Variants in ARAP2 observed in about 807,000 individuals in gnomAD.
The protein encoded by ARAP2 is arf-GAP with Rho-GAP domain, ANK repeat and PH domain-containing protein 2.
A neutral mutation model predicts 194.5 loss-of-function variants in ARAP2; 148 were observed. The observed-to-expected ratio is 0.76, with a 90% CI of 0.67 to 0.87. ARAP2 has a LOEUF of 0.87. Ranked by LOEUF, ARAP2 falls within the 40% of genes least tolerant of loss-of-function variation. ARAP2 has a pLI of 0.00. For missense variants in ARAP2, 2,128 were observed against 1,989.7 expected (o/e 1.07, Z -1.32); for synonymous variants, 695 against 683.5 (o/e 1.02, Z -0.26).
chr4:36,154,652 T>C (rs191549195), intron 15 of ARAP2, among the ~76,000 whole-genome samples: 156 of 152,290 alleles, frequency 1.0e-3, no homozygotes, highest in African/African-American at 3.6e-3. Flanking sequence ...CAGATCAGTC[T>C]TTATAACCAG....
At chr4:36,029,547 G>T (rs1485078732) in intron 5 of ARAP2, among the ~76,000 whole-genome samples, 4 of 151,768 alleles carry the variant, frequency 2.6e-5, no homozygotes, top group African/African-American at 9.7e-5. Context: ...TTATATTTTG[G>T]TTGGAAGGCA....
At position 36,160,635 on chromosome 4, in the gene ARAP2, TA is replaced by T; in HGVS notation, c.2265del (p.Phe755LeufsTer29). The T allele has an allele frequency of 7.1e-7, 1 of 1,412,036 alleles. No homozygotes were observed. Among genetic ancestry groups the T allele is most frequent in the Non-Finnish European group, 9.1e-7 (1 of 1,093,996 alleles). The allele number at this position is 1,412,036 out of a possible 1,614,324, so 87.5% of individuals were successfully genotyped here. On this transcript the variant is annotated frameshift_variant, in exon 13 of 33. Transcript: ENST00000303965. LOFTEE classifies it high-confidence loss of function. ...TTTGCTCTTTTGTTTCCAATGACAA[TA>T]AAAAGCTGAATTGTCAAAAAAAAAA... The part of the protein sequence containing the change: ...SIWSNELIEL[F>X]IVIGNKRAND...
In ARAP2 at chr4:36,228,521, TA is replaced by T. The variant is rs546908311; in HGVS notation, c.905+60del. 465 of 1,472,286 alleles carry T rather than the reference TA, an allele frequency of 3.2e-4. 3 individuals carry two copies. Among genetic ancestry groups the T allele is most frequent in the East Asian group, 2.0e-3 (86 of 43,790 alleles). The allele number at this position is 1,472,286 out of a possible 1,614,324, so 91.2% of individuals were successfully genotyped here. On this transcript the variant is annotated intron_variant, in intron 2 of 32. Transcript: ENST00000303965. ...ATAGGAACACTGAAAATATAACTGT[TA>T]AAAAAAATCACTGAATTTCCTCAAA...
At chr4:36,065,935 A>G (rs1577712984), downstream of ARAP2, 1 of 152,270 alleles carries the variant, frequency 6.6e-6, no homozygotes, top group African/African-American at 2.4e-5. Context: ...AAGAAAAGAA[A>G]GCTAATCTAT....
intron 28 of ARAP2, among the ~76,000 whole-genome samples, chr4:36,089,830 T>A (rs1035675955): frequency 2.0e-5 from 3 of 152,074 alleles, no homozygotes; most frequent in African/African-American, 4.8e-5. Context: ...CTGATATAAG[T>A]CTTTTTCTGA....
At chr4:36,155,857 A>T (rs1732165075) in intron 15 of ARAP2, among the ~76,000 whole-genome samples, 1 of 152,152 alleles carries the variant, frequency 6.6e-6, no homozygotes, top group Non-Finnish European at 1.5e-5. Flanking sequence ...CAATGGAATT[A>T]CATGATCAGT....
At chr4:36,071,664 T>C (rs1040050358) in intron 32 of ARAP2, among the ~76,000 whole-genome samples, 3 of 149,462 alleles carry the variant, frequency 2.0e-5, no homozygotes, top group South Asian at 2.1e-4. Context: ...TAATATATAA[T>C]ACTTAATTTT....
downstream of ARAP2, among the ~76,000 whole-genome samples, chr4:36,063,709 CTTCCTTG>C (rs758806921): frequency 6.6e-6 from 1 of 152,196 alleles, no homozygotes; most frequent in African/African-American, 2.4e-5. Flanking sequence ...ATAAAGTTGC[CTTCCTTG>C]TTCCTTGTTC....
chr4:36,010,478 T>C (rs1714281801), intron 9 of ARAP2, among the ~76,000 whole-genome samples: 1 of 152,062 alleles, frequency 6.6e-6, no homozygotes, highest in Non-Finnish European at 1.5e-5. Flanking sequence ...ATGTGTCAAG[T>C]GCCTCATTTC....
At position 36,128,475 on chromosome 4, in the gene ARAP2, T is replaced by G; in HGVS notation, c.3640+58A>C. ...GGCAAGCATGTATTATGGTCTATAT[T>G]ATACACACACACACACACACACACA... On this transcript the variant is annotated intron_variant, in intron 21 of 32. Transcript: ENST00000303965. 1.2e-5 allele frequency: 3 copies of G among 256,432 alleles called. 1 individual carries two copies. In the South Asian group the frequency reaches 4.3e-4, roughly 37 times the overall value. The allele number at this position is 256,432 out of a possible 1,614,324, so 15.9% of individuals were successfully genotyped here.
rs189138696 is a variant in ARAP2, at chr4:36,160,491, A to G, written c.2410T>C (p.Leu804=). The G allele has an allele frequency of 1.7e-5, 26 of 1,567,256 alleles. No individual in the cohort carries two copies. The East Asian group carries it at 5.2e-4, about 31-fold the overall frequency. ...AATTCTTCTTTGGTGAGAGATGCCA[A>G]AAGAGTTTTTCTGAATTTTCCTTCT... ...YKEGKFRKTL[L]ASLTKEELNK... is the part of the protein sequence containing the mutation. The change falls in exon 13 of 33, where the codon TTG becomes CTG. Residue 804 remains leucine, a synonymous_variant. Coordinates refer to ENST00000303965, the MANE Select transcript of ARAP2 (RefSeq NM_015230.4).
chr4:36,196,136 A>C (rs956866690), intron 6 of ARAP2, among the ~76,000 whole-genome samples: 3 of 152,232 alleles, frequency 2.0e-5, no homozygotes, highest in East Asian at 1.9e-4. Flanking sequence ...AACCTGCCAA[A>C]ACATCAAGTA....
intron 5 of ARAP2, among the ~76,000 whole-genome samples, chr4:36,043,400 GTCTA>G (rs1237857975): frequency 6.6e-6 from 1 of 152,110 alleles, no homozygotes; most frequent in Non-Finnish European, 1.5e-5. Context: ...AAATTGCCCT[GTCTA>G]TGTCTCAACA....
chr4:36,034,170 T>C (rs1719499860), intron 5 of ARAP2, among the ~76,000 whole-genome samples: 1 of 152,176 alleles, frequency 6.6e-6, no homozygotes, highest in Non-Finnish European at 1.5e-5. Flanking sequence ...TAGGTGTTTC[T>C]AGTTCTGTGA....
At chr4:36,031,857 C>T (rs555019091) in intron 5 of ARAP2, among the ~76,000 whole-genome samples, 2 of 152,002 alleles carry the variant, frequency 1.3e-5, no homozygotes, top group South Asian at 2.1e-4. Flanking sequence ...TTAGTAGAAA[C>T]GGGGTTTCGC....
At chr4:36,185,027 C>T (rs964275191) in intron 8 of ARAP2, among the ~76,000 whole-genome samples, 1 of 152,174 alleles carries the variant, frequency 6.6e-6, no homozygotes, top group Non-Finnish European at 1.5e-5. Context: ...GGTTTGCACA[C>T]TTTGTCTTTG....
intron 27 of ARAP2, among the ~76,000 whole-genome samples, chr4:36,097,306 T>C (rs1385085693): frequency 6.6e-6 from 1 of 152,068 alleles, no homozygotes; most frequent in Non-Finnish European, 1.5e-5. Flanking sequence ...CTTTGAAATA[T>C]GAAGCTCTAT....
intron 19 of ARAP2, among the ~76,000 whole-genome samples, chr4:36,142,843 C>T (rs544161723): frequency 6.6e-5 from 10 of 151,662 alleles, no homozygotes; most frequent in Non-Finnish European, 1.0e-4. Context: ...TCCTTCTTTA[C>T]GCTGGCAACT....
intron 9 of ARAP2, among the ~76,000 whole-genome samples, chr4:36,176,929 T>C (rs905490287): frequency 6.6e-6 from 1 of 152,070 alleles, no homozygotes; most frequent in Non-Finnish European, 1.5e-5. Context: ...TAATGATGTA[T>C]CATAAAATGA....
Sources: allele counts gnomAD v4.1 joint callset (sites outside exome capture counted in the v4.1 genomes callset), GRCh38; gene constraint gnomAD v4.1.1; transcripts MANE v1.5; gene names NCBI Gene and HGNC (gene_info 2026-07-23, HGNC 2026-07-21).